The following PRKCA variants were observed in gnomAD, a reference collection of about 807,000 sequenced individuals.
The protein encoded by PRKCA is protein kinase C alpha, also known as protein kinase C alpha type.
PRKCA carries 27 observed loss-of-function variants against 87.0 expected under a neutral mutation model. That is an observed-to-expected ratio of 0.31 (90% CI 0.23 to 0.43). The LOEUF is 0.43. Among genes scored for constraint, PRKCA ranks in the 20% least tolerant of loss-of-function variants. The pLI is 1.00. For synonymous variants in PRKCA, 329 were observed against 311.1 expected (o/e 1.06, Z -0.61); for missense variants, 518 against 852.3 (o/e 0.61, Z 4.88).
At chr17:66,557,490 T>C (rs1437822229) in intron 3 of PRKCA, among the ~76,000 whole-genome samples, 2 of 152,166 alleles carry the variant, frequency 1.3e-5, no homozygotes, top group Non-Finnish European at 2.9e-5. Flanking sequence ...ATGCAAGTCT[T>C]AAAATGTCTC....
intron 2 of PRKCA, among the ~76,000 whole-genome samples, chr17:66,478,773 G>A (rs1915645615): frequency 6.6e-6 from 1 of 152,108 alleles, no homozygotes; most frequent in African/African-American, 2.4e-5. Flanking sequence ...ACGTTGGTCT[G>A]TGTCCTTATA....
Position 66,803,867 on chromosome 17 carries a change from C to A in PRKCA, c.1855-6C>A. 1 of 1,613,288 alleles carries A rather than the reference C, an allele frequency of 6.2e-7. No individual in the cohort carries two copies. The highest frequency in any genetic ancestry group is 1.1e-5 in the South Asian group (1 of 91,012). On this transcript the variant is annotated splice_region_variant and splice_polypyrimidine_tract_variant and intron_variant, in intron 16 of 16. Transcript: ENST00000413366. The surrounding 1 kb of genome is among the most constrained non-coding windows in gnomAD (Gnocchi z 4.4). ...ACCTTTCCTTCTTTTTGTCTTTTCT[C>A]CACAGTGTGGCAAAGGAGCAGAGAA... is the stretch of plus-strand genomic sequence containing the variant.
chr17:66,647,697 A>G (rs2143829749), intron 5 of PRKCA, among the ~76,000 whole-genome samples: 1 of 152,348 alleles, frequency 6.6e-6, no homozygotes, highest in South Asian at 2.1e-4. Flanking sequence ...GCTAGAGCTT[A>G]CATCAGGCTA....
chr17:66,518,109 A>G (rs1967030609), intron 3 of PRKCA, among the ~76,000 whole-genome samples: 3 of 152,210 alleles, frequency 2.0e-5, no homozygotes, highest in Admixed American at 6.5e-5. Flanking sequence ...TTTTAGTAAG[A>G]TGGCCCTGTC....
At chr17:66,579,865 C>G (rs546111268) in intron 3 of PRKCA, among the ~76,000 whole-genome samples, 1 of 151,918 alleles carries the variant, frequency 6.6e-6, no homozygotes, top group Non-Finnish European at 1.5e-5. Flanking sequence ...AATTATACAC[C>G]GAAGGTTAAA....
chr17:66,658,336 C>T (rs1227992662), intron 5 of PRKCA, among the ~76,000 whole-genome samples: 1 of 152,094 alleles, frequency 6.6e-6, no homozygotes, highest in Non-Finnish European at 1.5e-5. Context: ...AAGAAATTAG[C>T]TGGGCATGGT....
intron 2 of PRKCA, among the ~76,000 whole-genome samples, chr17:66,403,053 T>C (rs532985384): frequency 6.6e-6 from 1 of 152,356 alleles, no homozygotes; most frequent in East Asian, 1.9e-4. Flanking sequence ...TGAGCTGTCA[T>C]TGAGTATGTG....
intron 5 of PRKCA, among the ~76,000 whole-genome samples, chr17:66,686,711 G>C (rs1429574223): frequency 6.6e-6 from 1 of 152,140 alleles, no homozygotes; most frequent in Non-Finnish European, 1.5e-5. Flanking sequence ...AGGTTGGGCT[G>C]GTCGCTTCCA....
intron 8 of PRKCA, among the ~76,000 whole-genome samples, chr17:66,731,537 G>T (rs975925248): frequency 6.6e-6 from 1 of 151,950 alleles, no homozygotes; most frequent in Admixed American, 6.6e-5. Flanking sequence ...GGGAGACTCA[G>T]CCCACTCCAG....
intron 3 of PRKCA, among the ~76,000 whole-genome samples, chr17:66,573,534 A>G (rs2143408120): frequency 6.6e-6 from 1 of 152,338 alleles, no homozygotes; most frequent in South Asian, 2.1e-4. Context: ...TTTTCTTCTA[A>G]TTATAAAGAT....
At chr17:66,383,498 A>G (rs894686622) in intron 2 of PRKCA, among the ~76,000 whole-genome samples, 1 of 152,152 alleles carries the variant, frequency 6.6e-6, no homozygotes, top group Non-Finnish European at 1.5e-5. Context: ...TGTCGTCACA[A>G]CCCTCAGAAG....
intron 2 of PRKCA, among the ~76,000 whole-genome samples, chr17:66,445,083 T>C (rs1913965532): frequency 6.6e-6 from 1 of 152,186 alleles, no homozygotes; most frequent in Admixed American, 6.5e-5. Flanking sequence ...CCTTTGGATG[T>C]CATGTCCTTG....
At chr17:66,593,037 G>A (rs1049253477) in intron 3 of PRKCA, among the ~76,000 whole-genome samples, 4 of 152,148 alleles carry the variant, frequency 2.6e-5, no homozygotes, top group African/African-American at 7.2e-5. Context: ...TGATCCACCC[G>A]CCTCAGCCTA....
intron 14 of PRKCA, 64 bp downstream of exon 14, chr17:66,774,131 T>C (rs1974997034): frequency 6.2e-7 from 1 of 1,612,366 alleles, no homozygotes; most frequent in South Asian, 1.1e-5. Flanking sequence ...TCAGCTCTGG[T>C]TGGGCCTCGA....
chr17:66,633,821 C>A (rs956864155), intron 3 of PRKCA, among the ~76,000 whole-genome samples: 1 of 152,186 alleles, frequency 6.6e-6, no homozygotes, highest in African/African-American at 2.4e-5. Context: ...CATTGGTTGC[C>A]TGCCTCCTGG....
At chr17:66,335,875 A>G (rs1906633523) in intron 2 of PRKCA, among the ~76,000 whole-genome samples, 1 of 152,194 alleles carries the variant, frequency 6.6e-6, no homozygotes, top group Admixed American at 6.5e-5. Flanking sequence ...TGGGCTACAT[A>G]GTATGAACCT....
At chr17:66,652,045 G>T (rs9899074) in intron 5 of PRKCA, among the ~76,000 whole-genome samples, 87,530 of 152,002 alleles carry the variant, frequency 0.58, 25,264 homozygotes, top group Admixed American at 0.6. Context: ...TGCAACCTCC[G>T]CCTCCTGGAT....
intron 5 of PRKCA, among the ~76,000 whole-genome samples, chr17:66,685,081 A>ATCTAT (rs1439893213): frequency 1.3e-5 from 2 of 152,046 alleles, no homozygotes; most frequent in African/African-American, 4.8e-5. Flanking sequence ...GGGGCCTCCA[A>ATCTAT]CCCTATAGAT....
At chr17:66,446,718 C>T (rs923858970) in intron 2 of PRKCA, among the ~76,000 whole-genome samples, 10 of 152,110 alleles carry the variant, frequency 6.6e-5, no homozygotes, top group African/African-American at 2.2e-4. Context: ...TATGACTCAA[C>T]GTCAGGAAGC....
Sources: gnomAD v4.1 joint callset for allele counts (sites outside exome capture counted in the v4.1 genomes callset) on GRCh38, gnomAD v4.1.1 for gene constraint, Gnocchi (gnomAD v3.1) non-coding constraint, MANE v1.5 for transcripts, NCBI Gene and HGNC (gene_info 2026-07-23, HGNC 2026-07-21) for gene names.